The following HSD17B2 variants were observed in gnomAD, a reference collection of about 807,000 sequenced individuals.
HSD17B2 encodes the protein 17-beta-hydroxysteroid dehydrogenase type 2.
A neutral mutation model predicts 26.9 loss-of-function variants in HSD17B2; 32 were observed. That is an observed-to-expected ratio of 1.19 (90% CI 0.90 to 1.60). The LOEUF (loss-of-function observed/expected upper bound fraction) is 1.60. HSD17B2 is among the 40% of genes most tolerant of loss of function. The probability of loss-of-function intolerance (pLI) is 0.00; values close to 1 mark genes in which losing one functional copy is unlikely to be tolerated. For missense variants in HSD17B2, 613 were observed against 468.6 expected (o/e 1.31, Z -2.85); for synonymous variants, 246 against 186.7 (o/e 1.32, Z -2.59).
At chr16:82,079,926 T>C (rs1288137766) in intron 3 of HSD17B2, among the ~76,000 whole-genome samples, 1 of 152,200 alleles carries the variant, frequency 6.6e-6, no homozygotes, top group Admixed American at 6.5e-5. Context: ...TATTTTCATT[T>C]TGAAGCAAGG....
chr16:82,094,154 T>G (rs1904771102), intron 4 of HSD17B2: 1 of 152,182 alleles, frequency 6.6e-6, no homozygotes, highest in Admixed American at 6.5e-5. Context: ...ACCTCTTATC[T>G]AATCCTGTGA....
At chr16:82,084,688 A>G (rs1385357233) in intron 3 of HSD17B2, among the ~76,000 whole-genome samples, 1 of 152,192 alleles carries the variant, frequency 6.6e-6, no homozygotes, top group Non-Finnish European at 1.5e-5. Flanking sequence ...GAAATCGCAG[A>G]GTAAACACCT....
chr16:82,050,314 T>G (rs1342316561), intron 1 of HSD17B2, among the ~76,000 whole-genome samples: 1 of 151,868 alleles, frequency 6.6e-6, no homozygotes, highest in African/African-American at 2.4e-5. Flanking sequence ...TTCATTCTCA[T>G]TTCTCTGCCC....
chr16:82,055,218 T>C (rs993107093), intron 1 of HSD17B2, among the ~76,000 whole-genome samples: 55 of 152,242 alleles, frequency 3.6e-4, no homozygotes, highest in African/African-American at 1.3e-3. Flanking sequence ...AAATGGCCTC[T>C]CTGCTGTTTG....
chr16:82,052,442 T>C (rs1175270326), intron 1 of HSD17B2: 3 of 152,288 alleles, frequency 2.0e-5, no homozygotes. Flanking sequence ...TATCCAAATG[T>C]TTCTAGCGAG....
intron 1 of HSD17B2, among the ~76,000 whole-genome samples, chr16:82,042,582 G>A (rs1321152684): frequency 5.9e-5 from 9 of 152,050 alleles, no homozygotes; most frequent in Middle Eastern, 3.2e-3. Context: ...TTTAAAACAA[G>A]TTGGCAATGA....
At position 82,098,534 on chromosome 16, in the gene HSD17B2, A is replaced by G. The variant is rs906651520; in HGVS notation, c.*98A>G. On this transcript the variant is annotated 3_prime_UTR_variant, in exon 5 of 5. Transcript: ENST00000199936. ...TCATTAAAGTTGTTTCCCACTCTGTATTCTCTGTGAAATTCATTGATTGAA... is the reference window on the plus strand; with the variant it reads ...TCATTAAAGTTGTTTCCCACTCTGTGTTCTCTGTGAAATTCATTGATTGAA... 31 of 1,308,006 alleles carry G rather than the reference A, an allele frequency of 2.4e-5. No homozygotes were observed. Among genetic ancestry groups the G allele is most frequent in the Non-Finnish European group, 3.1e-5 (30 of 958,086 alleles). 81.0% of individuals were successfully genotyped at this position (1,308,006 alleles called of 1,614,324 possible). A position where few individuals can be genotyped will look rare whatever the true frequency, so the allele number is the denominator to read the frequency against.
intron 1 of HSD17B2, among the ~76,000 whole-genome samples, chr16:82,065,800 G>A (rs1418520537): frequency 6.6e-6 from 1 of 152,234 alleles, no homozygotes; most frequent in East Asian, 1.9e-4. Context: ...GGATCCAATA[G>A]AGTCCAGGTC....
At chr16:82,053,685 T>C (rs1181533966) in intron 1 of HSD17B2, among the ~76,000 whole-genome samples, 4 of 152,100 alleles carry the variant, frequency 2.6e-5, no homozygotes, top group Admixed American at 1.3e-4. Flanking sequence ...ATTAAATTCA[T>C]TGGTTGTGGC....
intron 1 of HSD17B2, among the ~76,000 whole-genome samples, chr16:82,055,841 G>A (rs937662848): frequency 5.9e-5 from 9 of 152,174 alleles, no homozygotes; most frequent in Admixed American, 1.3e-4. Context: ...GTGAGTGAGG[G>A]TGGCGAATTG....
chr16:82,042,134 G>C (rs1913783552), intron 1 of HSD17B2, among the ~76,000 whole-genome samples: 2 of 151,944 alleles, frequency 1.3e-5, no homozygotes, highest in Admixed American at 6.5e-5. Context: ...CTCCCGAGTA[G>C]CTGGGATTAC....
At chr16:82,083,462 T>C (rs866250118) in intron 3 of HSD17B2, among the ~76,000 whole-genome samples, 1 of 152,194 alleles carries the variant, frequency 6.6e-6, no homozygotes, top group Non-Finnish European at 1.5e-5. Context: ...AACCTCTGAG[T>C]TGCAGCCTCC....
chr16:82,047,892 C>A (rs567231648), intron 1 of HSD17B2, among the ~76,000 whole-genome samples: 17 of 152,208 alleles, frequency 1.1e-4, no homozygotes, highest in African/African-American at 4.1e-4. Flanking sequence ...AATGCATAGA[C>A]AAAGGAATGT....
At chr16:82,041,053 G>A (rs1006938309) in intron 1 of HSD17B2, among the ~76,000 whole-genome samples, 4 of 152,132 alleles carry the variant, frequency 2.6e-5, no homozygotes, top group Admixed American at 1.3e-4. Flanking sequence ...TTGATAACCC[G>A]GGTAATTTTG....
intron 1 of HSD17B2, among the ~76,000 whole-genome samples, chr16:82,037,689 T>C (rs1913658018): frequency 6.6e-6 from 1 of 152,186 alleles, no homozygotes; most frequent in South Asian, 2.1e-4. Context: ...AAAAGGGTGA[T>C]AATATATGGT....
intron 1 of HSD17B2, among the ~76,000 whole-genome samples, chr16:82,048,785 G>C (rs1289624419): frequency 6.6e-6 from 1 of 152,168 alleles, no homozygotes; most frequent in African/African-American, 2.4e-5. Flanking sequence ...AATTGTTTGT[G>C]GTGCCAGTGT....
intron 1 of HSD17B2, chr16:82,052,362 T>C (rs750159728): frequency 2.0e-4 from 31 of 152,372 alleles, no homozygotes; most frequent in Admixed American, 7.2e-4. Context: ...GTTGTCTGAG[T>C]GTCTCTTAGA....
At chr16:82,094,220 C>G (rs1157725869) in intron 4 of HSD17B2, 1 of 152,174 alleles carries the variant, frequency 6.6e-6, no homozygotes, top group Non-Finnish European at 1.5e-5. Flanking sequence ...TCTCATTTTA[C>G]CCAGCCCCTA....
At chr16:82,062,695 T>C (rs192282147) in intron 1 of HSD17B2, among the ~76,000 whole-genome samples, 1 of 152,360 alleles carries the variant, frequency 6.6e-6, no homozygotes, top group East Asian at 1.9e-4. Context: ...AGTAAATGCA[T>C]GTGAACTAGC....
Sources: allele counts gnomAD v4.1 joint callset (sites outside exome capture counted in the v4.1 genomes callset), GRCh38; gene constraint gnomAD v4.1.1; transcripts MANE v1.5; gene names NCBI Gene and HGNC (gene_info 2026-07-23, HGNC 2026-07-21).